The following LTBP1 variants were observed in gnomAD, a reference collection of about 807,000 sequenced individuals.
LTBP1 encodes latent transforming growth factor beta binding protein 1.
A neutral mutation model predicts 207.6 loss-of-function variants in LTBP1; 129 were observed. The observed-to-expected ratio is 0.62, with a 90% confidence interval of 0.54 to 0.72. LTBP1 has a LOEUF of 0.72. LTBP1 is among the 30% of genes least tolerant of loss of function. LTBP1 has a pLI of 0.00. For synonymous variants in LTBP1, 963 were observed against 833.7 expected (o/e 1.16, Z -2.67); for missense variants, 2,281 against 2,217.2 (o/e 1.03, Z -0.58).
intron 31 of LTBP1, among the ~76,000 whole-genome samples, chr2:33,378,759 A>G (rs1187875906): frequency 2.0e-5 from 3 of 152,226 alleles, no homozygotes; most frequent in Non-Finnish European, 2.9e-5. Context: ...TATGGCTAGA[A>G]CAAAGCTGCT....
At chr2:33,237,158 A>G (rs1397538040) in intron 9 of LTBP1, among the ~76,000 whole-genome samples, 1 of 152,226 alleles carries the variant, frequency 6.6e-6, no homozygotes, top group East Asian at 1.9e-4. Flanking sequence ...GTTTCCACAG[A>G]TGACCAGTTC....
intron 5 of LTBP1, among the ~76,000 whole-genome samples, chr2:33,178,022 C>A (rs2086236169): frequency 6.6e-6 from 1 of 152,222 alleles, no homozygotes; most frequent in Non-Finnish European, 1.5e-5. Context: ...GCTCCCCAGC[C>A]TGCTGAATTA....
At chr2:33,098,573 C>A (rs1470947800) in intron 3 of LTBP1, among the ~76,000 whole-genome samples, 1 of 151,952 alleles carries the variant, frequency 6.6e-6, no homozygotes, top group Admixed American at 6.6e-5. Flanking sequence ...GCTTGGACTA[C>A]AGGCGCATGC....
intron 3 of LTBP1, among the ~76,000 whole-genome samples, chr2:33,072,762 A>G (rs1260532928): frequency 1.3e-5 from 2 of 152,216 alleles, no homozygotes; most frequent in African/African-American, 2.4e-5. Flanking sequence ...GTATCACGCA[A>G]GTACTCTCAG....
intron 3 of LTBP1, among the ~76,000 whole-genome samples, chr2:33,096,862 G>A (rs2079428371): frequency 1.3e-5 from 2 of 152,140 alleles, no homozygotes; most frequent in Admixed American, 6.6e-5. Context: ...CCTAGGCAAC[G>A]TAGTGAGACC....
At chr2:33,050,795 A>G (rs1254430876) in intron 3 of LTBP1, among the ~76,000 whole-genome samples, 2 of 150,386 alleles carry the variant, frequency 1.3e-5, no homozygotes, top group African/African-American at 2.5e-5. Flanking sequence ...GTGTAATGGC[A>G]TGATCTCGGC....
intron 7 of LTBP1, among the ~76,000 whole-genome samples, chr2:33,206,141 A>C (rs1407915973): frequency 6.6e-6 from 1 of 152,222 alleles, no homozygotes. Context: ...TGTTTCTGCC[A>C]GAAGAGTCAG....
At chr2:33,125,359 T>C (rs1244451579) in intron 4 of LTBP1, among the ~76,000 whole-genome samples, 1 of 152,194 alleles carries the variant, frequency 6.6e-6, no homozygotes, top group Non-Finnish European at 1.5e-5. Context: ...CTCTGCAGCC[T>C]AGTAGGCACT....
At chr2:33,301,929 G>A (rs2093995308) in intron 22 of LTBP1, among the ~76,000 whole-genome samples, 1 of 152,168 alleles carries the variant, frequency 6.6e-6, no homozygotes, top group African/African-American at 2.4e-5. Flanking sequence ...TGGGTACATA[G>A]TTCTGAACTG....
intron 22 of LTBP1, among the ~76,000 whole-genome samples, chr2:33,307,255 C>A (rs2094113162): frequency 6.6e-6 from 1 of 152,172 alleles, no homozygotes; most frequent in South Asian, 2.1e-4. Context: ...TAACCTAATT[C>A]CATGACCCAT....
intron 5 of LTBP1, among the ~76,000 whole-genome samples, chr2:33,175,334 G>A (rs899606071): frequency 1.3e-5 from 2 of 151,982 alleles, no homozygotes; most frequent in African/African-American, 4.8e-5. Flanking sequence ...CCATCAAAAA[G>A]TGGGCGAAGG....
At chr2:33,350,104 A>C (rs1250330477) in intron 26 of LTBP1, among the ~76,000 whole-genome samples, 1 of 152,240 alleles carries the variant, frequency 6.6e-6, no homozygotes. Context: ...AACCAAATTT[A>C]AATAAAAGTT....
chr2:33,331,902 T>C (rs1280165406), intron 24 of LTBP1, among the ~76,000 whole-genome samples: 4 of 152,162 alleles, frequency 2.6e-5, no homozygotes, highest in Non-Finnish European at 5.9e-5. Flanking sequence ...TAATTGCAAT[T>C]GTTGAGAATT....
At chr2:33,200,283 A>G (rs948344359) in intron 7 of LTBP1, among the ~76,000 whole-genome samples, 21 of 152,206 alleles carry the variant, frequency 1.4e-4, no homozygotes, top group Middle Eastern at 3.4e-3. Context: ...CAGAGATATA[A>G]ATCAATGCAA....
At position 33,365,476 on chromosome 2, in the gene LTBP1, T is replaced by C. The variant is rs1162659789; in HGVS notation, c.4684T>C (p.Cys1562Arg). 6.2e-7 allele frequency: 1 copy of C among 1,614,028 alleles called. No homozygotes were observed. Among genetic ancestry groups the C allele is most frequent in the Admixed American group, 1.7e-5 (1 of 60,012 alleles). Residue 1562 changes from cysteine to arginine, a missense_variant, in exon 31 of 34, where the codon TGT becomes CGT. By Grantham distance (180) the Cys-to-Arg change is radical. Around this residue, in one of 3 missense-constraint regions of LTBP1, gnomAD observed 1,671 missense variants for 1,634.8 expected, o/e 1.02. Transcript: ENST00000404816. ...GTATGGAGAGGCCTGGGGCATGCAGTGTGCCCTCTGCCCCCTGAAGGATTC... is the reference window on the plus strand; with the variant it reads ...GTATGGAGAGGCCTGGGGCATGCAGCGTGCCCTCTGCCCCCTGAAGGATTC... ...CLYGEAWGMQCALCPLKDSDD... is the reference protein window; with the variant it reads ...CLYGEAWGMQRALCPLKDSDD...
chr2:33,195,783 C>T (rs1404814615), intron 7 of LTBP1, among the ~76,000 whole-genome samples: 1 of 152,168 alleles, frequency 6.6e-6, no homozygotes, highest in Non-Finnish European at 1.5e-5. Flanking sequence ...AACAGTATCA[C>T]TTACTACAGA....
At chr2:33,053,213 A>C (rs1041730015) in intron 3 of LTBP1, among the ~76,000 whole-genome samples, 1 of 152,088 alleles carries the variant, frequency 6.6e-6, no homozygotes, top group African/African-American at 2.4e-5. Flanking sequence ...GTTCACAGCA[A>C]AATTGGAGAG....
At chr2:33,050,764 C>T (rs112852316) in intron 3 of LTBP1, among the ~76,000 whole-genome samples, 14,630 of 149,768 alleles carry the variant, frequency 0.098, 947 homozygotes, top group Non-Finnish European at 0.14. Context: ...GACCGAGTCT[C>T]GCTCTGTTGC....
intron 2 of LTBP1, among the ~76,000 whole-genome samples, chr2:33,019,951 C>T (rs146068838): frequency 6.8e-6 from 1 of 146,608 alleles, no homozygotes; most frequent in African/African-American, 2.5e-5. Context: ...TGGGCTCAAG[C>T]GATCCTCCCA....
Sources: gnomAD v4.1 joint callset for allele counts (sites outside exome capture counted in the v4.1 genomes callset) on GRCh38, gnomAD v4.1.1 for gene constraint, gnomAD v4.1.1 regional missense constraint, MANE v1.5 for transcripts, NCBI Gene and HGNC (gene_info 2026-07-23, HGNC 2026-07-21) for gene names.